ROBO2: variants seen among roughly 807,000 people sequenced by gnomAD.
ROBO2 encodes the protein roundabout homolog 2.
ROBO2 carries 53 observed loss-of-function variants against 160.8 expected under a neutral mutation model. The ratio of observed to expected loss-of-function variants is 0.33; its 90% CI spans 0.26 to 0.41. ROBO2 has a LOEUF of 0.41. Ranked by LOEUF, ROBO2 falls within the 10% of genes least tolerant of loss-of-function variation. ROBO2 has a pLI of 1.00. For synonymous variants in ROBO2, 664 were observed against 611.7 expected, an observed-to-expected ratio of 1.09 and a Z score of -1.26; for missense variants, 1,577 against 1,722.4, an observed-to-expected ratio of 0.92 and a Z score of 1.49.
chr3:77,142,156 A>G (rs1256327678), intron 2 of ROBO2, among the ~76,000 whole-genome samples: 1 of 152,122 alleles, frequency 6.6e-6, no homozygotes, highest in Admixed American at 6.6e-5. Context: ...AGAAATTTCC[A>G]TATATATACC....
At chr3:75,947,166 G>A (rs1188558423) in intron 2 of ROBO2, among the ~76,000 whole-genome samples, 3 of 152,142 alleles carry the variant, frequency 2.0e-5, no homozygotes, top group Admixed American at 6.6e-5. Flanking sequence ...AAGTTTGCAA[G>A]TGACAGAGGT....
chr3:76,043,661 C>T lies in ROBO2; in HGVS notation c.109+106059C>T, dbSNP rs71315332. Among the ~76,000 whole-genome samples the T allele has an allele frequency of 5.8e-3, 754 of 130,326 alleles. 2 individuals carry two copies. The highest frequency in any genetic ancestry group is 0.01 in the Non-Finnish European group (599 of 59,678). The allele number at this position is 130,326 out of a possible 152,430, so 85.5% of individuals were successfully genotyped here. ...AAAAAAAAAAACCACACCAAAAAAC[C>T]AAACCAAAACAAACCAAAACAAAAA... On this transcript the variant is annotated intron_variant, in intron 2 of 26. Coordinates refer to the ROBO2 transcript ENST00000487694.
intron 9 of ROBO2, 90 bp from the exon 11 acceptor site, chr3:77,562,561 T>A (rs2093355719): frequency 9.1e-6 from 8 of 875,062 alleles, no homozygotes; most frequent in Non-Finnish European, 1.5e-5. Context: ...CATCTAATTT[T>A]AAGAAATTAA....
chr3:77,441,901 G>A (rs886681130), intron 2 of ROBO2, among the ~76,000 whole-genome samples: 1 of 152,050 alleles, frequency 6.6e-6, no homozygotes, highest in Non-Finnish European at 1.5e-5. Flanking sequence ...TGATTATGGA[G>A]GAATGAAAGT....
intron 2 of ROBO2, among the ~76,000 whole-genome samples, chr3:76,882,045 C>A (rs1471332573): frequency 6.9e-6 from 1 of 145,880 alleles, no homozygotes; most frequent in Non-Finnish European, 1.5e-5. Context: ...GGTGGCTGGG[C>A]TCAGCAGGAT....
chr3:76,409,773 G>C (rs182230945), intron 2 of ROBO2, among the ~76,000 whole-genome samples: 34 of 152,068 alleles, frequency 2.2e-4, no homozygotes, highest in Admixed American at 1.9e-3. Context: ...CAAAACCTAA[G>C]CATAATAACA....
intron 2 of ROBO2, among the ~76,000 whole-genome samples, chr3:76,219,657 C>T (rs914163435): frequency 6.8e-4 from 103 of 152,200 alleles, no homozygotes; most frequent in African/African-American, 2.4e-3. Flanking sequence ...GAATGGCAAT[C>T]ATTAAAAAGT....
chr3:77,457,411 G>C (rs1355340098), intron 2 of ROBO2, among the ~76,000 whole-genome samples: 1 of 152,154 alleles, frequency 6.6e-6, no homozygotes, highest in East Asian at 1.9e-4. Flanking sequence ...CTTAGTGTAA[G>C]TTTAAAATAT....
At chr3:75,944,914 C>T (rs1314115696) in intron 2 of ROBO2, among the ~76,000 whole-genome samples, 1 of 152,128 alleles carries the variant, frequency 6.6e-6, no homozygotes, top group Non-Finnish European at 1.5e-5. Context: ...CAGATATCAC[C>T]TACACTGTGT....
At chr3:76,571,779 AT>A (rs928587211) in intron 2 of ROBO2, among the ~76,000 whole-genome samples, 5 of 152,124 alleles carry the variant, frequency 3.3e-5, no homozygotes, top group African/African-American at 9.7e-5. Context: ...AGGAAAAAAA[AT>A]GTCACATTTT....
intron 2 of ROBO2, among the ~76,000 whole-genome samples, chr3:76,545,730 T>A (rs532766919): frequency 1.1e-4 from 17 of 152,098 alleles, no homozygotes; most frequent in African/African-American, 4.1e-4. Context: ...GTATATTTTG[T>A]ATTTTCTTAA....
At chr3:76,331,497 A>G (rs1274776483) in intron 2 of ROBO2, among the ~76,000 whole-genome samples, 1 of 151,526 alleles carries the variant, frequency 6.6e-6, no homozygotes, top group Admixed American at 6.6e-5. Flanking sequence ...CTTTCACTCT[A>G]TTTGGCTCTT....
intron 2 of ROBO2, among the ~76,000 whole-genome samples, chr3:77,377,743 A>C (rs2072885364): frequency 6.6e-6 from 1 of 152,240 alleles, no homozygotes; most frequent in Non-Finnish European, 1.5e-5. Context: ...TTAGTTGAGT[A>C]TATCCATTTC....
At chr3:76,243,600 C>G (rs1188311115) in intron 2 of ROBO2, among the ~76,000 whole-genome samples, 1 of 152,146 alleles carries the variant, frequency 6.6e-6, no homozygotes, top group Non-Finnish European at 1.5e-5. Context: ...ACTGCAGGAG[C>G]TTAGGAAACC....
intron 2 of ROBO2, among the ~76,000 whole-genome samples, chr3:76,934,203 G>C (rs551232609): frequency 1.0e-3 from 83 of 83,116 alleles, no homozygotes; most frequent in African/African-American, 4.6e-3. Context: ...ACATGAGATC[G>C]AAAATAGAAA....
intron 2 of ROBO2, among the ~76,000 whole-genome samples, chr3:76,991,993 T>G (rs2149374393): frequency 6.6e-6 from 1 of 152,266 alleles, no homozygotes; most frequent in Non-Finnish European, 1.5e-5. Context: ...TATAAATTTC[T>G]ATGACCAAAT....
At chr3:76,436,617 G>C (rs1286827541) in intron 2 of ROBO2, among the ~76,000 whole-genome samples, 2 of 151,682 alleles carry the variant, frequency 1.3e-5, no homozygotes, top group Non-Finnish European at 2.9e-5. Flanking sequence ...GAGACCTGTG[G>C]AAATAAACCT....
chr3:76,249,995 A>G (rs1705889385), intron 2 of ROBO2, among the ~76,000 whole-genome samples: 1 of 152,114 alleles, frequency 6.6e-6, no homozygotes, highest in Admixed American at 6.6e-5. Context: ...CAACAGTAAG[A>G]TAAAGAAAAT....
At chr3:77,302,281 C>T (rs754269284) in intron 2 of ROBO2, among the ~76,000 whole-genome samples, 6 of 152,106 alleles carry the variant, frequency 3.9e-5, no homozygotes, top group Non-Finnish European at 8.8e-5. Flanking sequence ...AGATATTAAT[C>T]GTACCTATCT....
Sources: allele counts gnomAD v4.1 joint callset (sites outside exome capture counted in the v4.1 genomes callset), GRCh38; gene constraint gnomAD v4.1.1; transcripts MANE v1.5; gene names NCBI Gene and HGNC (gene_info 2026-07-23, HGNC 2026-07-21).